Variants in ASCC3 observed in about 807,000 individuals in gnomAD.
ASCC3 encodes ASC-1 complex subunit P200.
ASCC3 carries 158 observed loss-of-function variants against 256.3 expected under a neutral mutation model. The ratio of observed to expected loss-of-function variants is 0.62; its 90% CI spans 0.54 to 0.70. ASCC3 has a LOEUF of 0.70. ASCC3 is among the 30% of genes least tolerant of loss of function. ASCC3 has a pLI of 0.00. For missense variants in ASCC3, 2,259 were observed against 2,626.0 expected, an observed-to-expected ratio of 0.86 and a Z score of 3.05; for synonymous variants, 948 against 883.4, an observed-to-expected ratio of 1.07 and a Z score of -1.30.
intron 8 of ASCC3, among the ~76,000 whole-genome samples, chr6:100,787,414 T>C (rs1049943328): frequency 2.0e-5 from 3 of 152,210 alleles, no homozygotes; most frequent in South Asian, 4.1e-4. Flanking sequence ...TGAAGAAGTA[T>C]ATAATCTTTG....
chr6:100,563,002 A>G (rs1770036174), intron 36 of ASCC3, among the ~76,000 whole-genome samples: 1 of 151,574 alleles, frequency 6.6e-6, no homozygotes, highest in African/African-American at 2.4e-5. Flanking sequence ...AAGGCTGAGT[A>G]TTTTCTTTAT....
intron 10 of ASCC3, among the ~76,000 whole-genome samples, chr6:100,736,362 C>T (rs982129849): frequency 2.0e-5 from 3 of 152,028 alleles, no homozygotes; most frequent in African/African-American, 7.2e-5. Flanking sequence ...ATTAGCTGGG[C>T]GTGGTGGCAC....
intron 20 of ASCC3, among the ~76,000 whole-genome samples, chr6:100,650,101 G>A (rs984038499): frequency 2.0e-5 from 3 of 151,442 alleles, no homozygotes; most frequent in African/African-American, 4.8e-5. Flanking sequence ...TGTTTACTAC[G>A]CCTTGTTTAA....
chr6:100,833,869 G>A (rs1771747317), intron 4 of ASCC3, among the ~76,000 whole-genome samples: 1 of 152,142 alleles, frequency 6.6e-6, no homozygotes. Context: ...CTTGAGGTCA[G>A]GAGTTTGAGA....
chr6:100,837,136 T>C (rs1771916301), intron 4 of ASCC3, among the ~76,000 whole-genome samples: 1 of 152,036 alleles, frequency 6.6e-6, no homozygotes, highest in Non-Finnish European at 1.5e-5. Flanking sequence ...TCAATATCAC[T>C]AATCATCAGG....
chr6:100,624,439 A>G (rs1774128183), intron 30 of ASCC3, among the ~76,000 whole-genome samples: 1 of 151,924 alleles, frequency 6.6e-6, no homozygotes, highest in African/African-American at 2.4e-5. Context: ...AGGTAAGATA[A>G]TATTTTATCT....
At chr6:100,858,875 A>G in intron 3 of ASCC3, 2 of 481,894 alleles carry the variant, frequency 4.2e-6, no homozygotes, top group Non-Finnish European at 7.2e-6. Flanking sequence ...TTTCTGATTC[A>G]AGAGTCAATC....
intron 13 of ASCC3, among the ~76,000 whole-genome samples, chr6:100,714,483 A>G (rs1299753136): frequency 6.6e-6 from 1 of 152,128 alleles, no homozygotes; most frequent in Non-Finnish European, 1.5e-5. Flanking sequence ...GAATGACCTG[A>G]ACATGTTACT....
intron 10 of ASCC3, among the ~76,000 whole-genome samples, chr6:100,730,873 C>T (rs1018656865): frequency 1.3e-5 from 2 of 152,120 alleles, no homozygotes; most frequent in African/African-American, 2.4e-5. Flanking sequence ...CACGAATGCA[C>T]GCTCACACAC....
chr6:100,842,023 A>G (rs954012215), intron 4 of ASCC3, among the ~76,000 whole-genome samples: 1 of 152,194 alleles, frequency 6.6e-6, no homozygotes, highest in African/African-American at 2.4e-5. Flanking sequence ...TTTTCAATTC[A>G]GGCAGCAGGG....
At chr6:100,819,396 T>C (rs1436647826) in intron 4 of ASCC3, among the ~76,000 whole-genome samples, 2 of 152,206 alleles carry the variant, frequency 1.3e-5, no homozygotes, top group Non-Finnish European at 2.9e-5. Flanking sequence ...ATAGGATAGA[T>C]GTATACATGA....
intron 4 of ASCC3, among the ~76,000 whole-genome samples, chr6:100,808,606 G>A (rs994030144): frequency 6.6e-6 from 1 of 151,842 alleles, no homozygotes; most frequent in African/African-American, 2.4e-5. Context: ...TTGCAAAAAT[G>A]TAAAATAATG....
chr6:100,820,048 A>G (rs1159251777), intron 4 of ASCC3, among the ~76,000 whole-genome samples: 1 of 152,216 alleles, frequency 6.6e-6, no homozygotes, highest in African/African-American at 2.4e-5. Context: ...GAACCAGAAG[A>G]CTACTGCTAG....
chr6:100,826,211 A>T (rs1310810738), intron 4 of ASCC3, among the ~76,000 whole-genome samples: 3 of 151,754 alleles, frequency 2.0e-5, no homozygotes, highest in Non-Finnish European at 4.4e-5. Context: ...GGCTCACCGC[A>T]ACCTCTGCCT....
chr6:100,741,164 T>A (rs540860239), intron 10 of ASCC3, among the ~76,000 whole-genome samples: 1 of 152,286 alleles, frequency 6.6e-6, no homozygotes, highest in South Asian at 2.1e-4. Flanking sequence ...AGATAGGAAA[T>A]TATGGGTTGG....
chr6:100,772,390 A>G (rs1781982667), intron 8 of ASCC3, among the ~76,000 whole-genome samples: 1 of 152,230 alleles, frequency 6.6e-6, no homozygotes, highest in African/African-American at 2.4e-5. Context: ...AATAGCCTAA[A>G]ACAGGAAAAC....
intron 20 of ASCC3, among the ~76,000 whole-genome samples, chr6:100,647,945 C>T (rs1317536911): frequency 3.9e-5 from 6 of 152,092 alleles, no homozygotes; most frequent in Non-Finnish European, 8.8e-5. Flanking sequence ...AAGGGCCATA[C>T]AAATGGCTTC....
chr6:100,530,519 T>C (rs943808173), intron 37 of ASCC3: 2 of 784,734 alleles, frequency 2.5e-6, no homozygotes, highest in African/African-American at 3.4e-5. Flanking sequence ...AGAATAAAAT[T>C]GGAATAGATG....
intron 4 of ASCC3, among the ~76,000 whole-genome samples, chr6:100,843,096 A>G (rs1472477757): frequency 6.6e-6 from 1 of 152,204 alleles, no homozygotes; most frequent in Non-Finnish European, 1.5e-5. Context: ...AATAACATAA[A>G]GAAAAATTAT....
Sources: gnomAD v4.1 joint callset for allele counts (sites outside exome capture counted in the v4.1 genomes callset) on GRCh38, gnomAD v4.1.1 for gene constraint, MANE v1.5 for transcripts, NCBI Gene and HGNC (gene_info 2026-07-23, HGNC 2026-07-21) for gene names.